The following ITGB3BP variants were observed in gnomAD, a reference collection of about 807,000 sequenced individuals.
ITGB3BP encodes integrin subunit beta 3 binding protein.
ITGB3BP carries 27 observed loss-of-function variants against 29.1 expected under a neutral mutation model. The observed-to-expected ratio is 0.93, with a 90% CI of 0.68 to 1.28. The LOEUF (loss-of-function observed/expected upper bound fraction) is 1.28, where lower values mean the gene tolerates loss of function less well. Among genes scored for constraint, ITGB3BP ranks in the 50% most tolerant of loss-of-function variants. The probability of loss-of-function intolerance (pLI) is 0.00; values close to 1 mark genes in which losing one functional copy is unlikely to be tolerated. For synonymous variants in ITGB3BP, 61 were observed against 61.4 expected (o/e 0.99, Z 0.03); for missense variants, 192 against 200.2 (o/e 0.96, Z 0.25).
At chr1:63,511,479 T>C (rs1646198487) in intron 1 of ITGB3BP, among the ~76,000 whole-genome samples, 1 of 152,072 alleles carries the variant, frequency 6.6e-6, no homozygotes, top group Admixed American at 6.6e-5. Flanking sequence ...CAGATATTTG[T>C]ACACCAATGT....
chr1:63,499,689 A>G (rs1645877802), intron 2 of ITGB3BP, among the ~76,000 whole-genome samples: 1 of 152,214 alleles, frequency 6.6e-6, no homozygotes, highest in Admixed American at 6.5e-5. Flanking sequence ...CAACATACAA[A>G]TATCAATCAA....
chr1:63,514,492 A>G (rs1646267469), intron 1 of ITGB3BP, among the ~76,000 whole-genome samples: 1 of 152,166 alleles, frequency 6.6e-6, no homozygotes, highest in African/African-American at 2.4e-5. Flanking sequence ...TCATTTGTGT[A>G]TCTTCTTTTA....
At chr1:63,526,868 G>T (rs1222290869), upstream of ITGB3BP, among the ~76,000 whole-genome samples, 2 of 152,054 alleles carry the variant, frequency 1.3e-5, no homozygotes, top group African/African-American at 4.8e-5. Context: ...GGGTTCCAGC[G>T]ATTCTCCTGC....
chr1:63,522,061 G>T (rs1189532173), intron 1 of ITGB3BP, among the ~76,000 whole-genome samples: 1 of 152,092 alleles, frequency 6.6e-6, no homozygotes. Flanking sequence ...AACTTTTAAG[G>T]GCATCAGTAA....
chr1:63,510,644 C>T (rs1646180190), intron 1 of ITGB3BP, among the ~76,000 whole-genome samples: 1 of 152,114 alleles, frequency 6.6e-6, no homozygotes, highest in Non-Finnish European at 1.5e-5. Context: ...TCTAAGAAAT[C>T]ACTTAGTTCA....
rs34768095 is a variant in ITGB3BP, at chr1:63,485,428, C to CT, written c.184+4654dup. On this transcript the variant is annotated intron_variant, in intron 3 of 8. Transcript: ENST00000271002. Reference sequence around the variant, plus strand: ...TTTCACCCGCCCTCCAATTGTTTGACTTTTTTTTTTCACCCGCCCTCCAAT... The same window carrying CT: ...TTTCACCCGCCCTCCAATTGTTTGACTTTTTTTTTTTCACCCGCCCTCCAAT... Among the ~76,000 whole-genome samples, 5 of 149,438 alleles carry CT rather than the reference C, an allele frequency of 3.3e-5. No individual in the cohort carries two copies. The East Asian group carries it at 9.9e-4, about 30-fold the overall frequency.
intron 4 of ITGB3BP, among the ~76,000 whole-genome samples, chr1:63,470,420 G>C (rs1645176379): frequency 6.6e-6 from 1 of 152,230 alleles, no homozygotes; most frequent in African/African-American, 2.4e-5. Context: ...GATCACGAAA[G>C]AGAACACTGA....
At chr1:63,522,812 TC>T (rs1363499322) in intron 1 of ITGB3BP, 6 of 449,906 alleles carry the variant, frequency 1.3e-5, no homozygotes, top group African/African-American at 1.2e-4. Context: ...AGGCGTGTTT[TC>T]ATCTACTCTG....
chr1:63,507,645 T>G (rs1172089405), intron 2 of ITGB3BP, among the ~76,000 whole-genome samples: 1 of 152,234 alleles, frequency 6.6e-6, no homozygotes, highest in Non-Finnish European at 1.5e-5. Context: ...AATGATTTTT[T>G]AAGTGTCATT....
At chr1:63,482,649 A>AATTT (rs1423439315) in intron 3 of ITGB3BP, among the ~76,000 whole-genome samples, 1 of 129,854 alleles carries the variant, frequency 7.7e-6, no homozygotes, top group African/African-American at 3.0e-5. Flanking sequence ...AACAATGTTA[A>AATTT]TTTTTTTTTT....
Position 63,483,778 on chromosome 1 carries a change from T to C in ITGB3BP, c.185-4945A>G, listed in dbSNP as rs142244359. On this transcript the variant is annotated intron_variant, in intron 3 of 8. Transcript: ENST00000271002. ...TAAACACCATATTTCTACTGTACCT[T>C]TTCTACTCAGATATGTTTAAATACA... is the stretch of plus-strand genomic sequence containing the variant. 1.8e-3 allele frequency among the ~76,000 whole-genome samples: 278 copies of C among 152,336 alleles called. 1 individual carries two copies. The highest frequency in any genetic ancestry group is 6.5e-3 in the African/African-American group (272 of 41,582).
chr1:63,466,371 G>A (rs187378406), intron 4 of ITGB3BP, among the ~76,000 whole-genome samples: 2 of 148,966 alleles, frequency 1.3e-5, no homozygotes, highest in Non-Finnish European at 3.0e-5. Context: ...GACAACATAC[G>A]GTTAGGACAT....
At chr1:63,510,564 CATCT>C (rs1646178539) in intron 1 of ITGB3BP, among the ~76,000 whole-genome samples, 2 of 152,228 alleles carry the variant, frequency 1.3e-5, no homozygotes, top group South Asian at 4.1e-4. Flanking sequence ...ATAATTCGGA[CATCT>C]AATAACCAAA....
intron 3 of ITGB3BP, among the ~76,000 whole-genome samples, chr1:63,486,765 A>G (rs1645538846): frequency 6.6e-6 from 1 of 152,032 alleles, no homozygotes; most frequent in Admixed American, 6.6e-5. Context: ...CAAGGTTTCC[A>G]GCATAGCCCT....
At chr1:63,525,601 CTT>C, upstream of ITGB3BP, 1 of 1,570,966 alleles carries the variant, frequency 6.4e-7, no homozygotes, top group Non-Finnish European at 8.6e-7. Flanking sequence ...AGCGATGCAA[CTT>C]TCTCCAGTCA....
At chr1:63,503,910 C>CCCTTTATTTCCTTCTCCTGCCTGAT (rs1557648472) in intron 2 of ITGB3BP, among the ~76,000 whole-genome samples, 15 of 152,152 alleles carry the variant, frequency 9.9e-5, no homozygotes, top group African/African-American at 3.4e-4. Context: ...GTTTTGGTTA[C>CCCTTTATTTCCTTCTCCTGCCTGAT]TGTAGCCTTG....
At chr1:63,468,542 A>G (rs1298705299) in intron 4 of ITGB3BP, among the ~76,000 whole-genome samples, 1 of 152,000 alleles carries the variant, frequency 6.6e-6, no homozygotes, top group Admixed American at 6.6e-5. Context: ...CCTGGCCCAC[A>G]TGGTGAAAGC....
rs2100505021 is a variant in ITGB3BP, at chr1:63,454,530, A to G, written c.334-57T>C. ...TCTCTACACACATGAGATTACTGACATGTCTAGTGAAAATACAGTATATTG... is the reference window on the plus strand; with the variant it reads ...TCTCTACACACATGAGATTACTGACGTGTCTAGTGAAAATACAGTATATTG... On this transcript the variant is annotated intron_variant, in intron 5 of 8. Coordinates refer to ENST00000271002, the MANE Select transcript of ITGB3BP (RefSeq NM_014288.5). This position sits in a 1 kb window ranked among gnomAD's most constrained non-coding sequence, Gnocchi z 4.1. The G allele has an allele frequency of 3.8e-6, 3 of 786,508 alleles. No homozygotes were observed. Among genetic ancestry groups the G allele is most frequent in the South Asian group, 3.7e-5 (2 of 54,440 alleles). 48.7% of individuals were successfully genotyped at this position (786,508 alleles called of 1,614,324 possible). A position where few individuals can be genotyped will look rare whatever the true frequency, so the allele number is the denominator to read the frequency against.
At chr1:63,469,026 G>T (rs1277396190) in intron 4 of ITGB3BP, among the ~76,000 whole-genome samples, 2 of 144,772 alleles carry the variant, frequency 1.4e-5, no homozygotes, top group African/African-American at 5.1e-5. Context: ...AATCCAGCCT[G>T]GCAACAGAGT....
Sources: allele counts gnomAD v4.1 joint callset (sites outside exome capture counted in the v4.1 genomes callset), GRCh38; gene constraint gnomAD v4.1.1; non-coding constraint Gnocchi (gnomAD v3.1); transcripts MANE v1.5; gene names NCBI Gene and HGNC (gene_info 2026-07-23, HGNC 2026-07-21).